The following NTNG1 variants were observed in gnomAD, a reference collection of about 807,000 sequenced individuals.
NTNG1 encodes netrin-G1.
NTNG1 carries 16 observed loss-of-function variants against 54.0 expected under a neutral mutation model. The ratio of observed to expected loss-of-function variants is 0.30; its 90% CI spans 0.20 to 0.45. NTNG1 has a LOEUF of 0.45. Ranked by LOEUF, NTNG1 falls within the 20% of genes least tolerant of loss-of-function variation. The pLI, the probability that NTNG1 is intolerant of heterozygous loss-of-function variation, is 1.00. For synonymous variants in NTNG1, 255 were observed against 263.1 expected, an observed-to-expected ratio of 0.97 and a Z score of 0.30; for missense variants, 530 against 678.7, an observed-to-expected ratio of 0.78 and a Z score of 2.43.
At chr1:107,202,007 A>G (rs1314871249) in intron 2 of NTNG1, among the ~76,000 whole-genome samples, 1 of 151,710 alleles carries the variant, frequency 6.6e-6, no homozygotes, top group Non-Finnish European at 1.5e-5. Context: ...TATCCCTAAT[A>G]GTTCTTTTGG....
chr1:107,447,673 A>T (rs569233381), intron 7 of NTNG1, among the ~76,000 whole-genome samples: 21 of 152,192 alleles, frequency 1.4e-4, no homozygotes, highest in African/African-American at 5.1e-4. Context: ...ATCTAATAAA[A>T]CATGGTTCAA....
At chr1:107,339,814 A>G (rs1178979805) in intron 3 of NTNG1, among the ~76,000 whole-genome samples, 1 of 152,066 alleles carries the variant, frequency 6.6e-6, no homozygotes, top group Non-Finnish European at 1.5e-5. Flanking sequence ...ACTCTTAAGT[A>G]TTTTGTGCTT....
chr1:107,304,392 G>C (rs1198472771), intron 2 of NTNG1, among the ~76,000 whole-genome samples: 2 of 152,036 alleles, frequency 1.3e-5, no homozygotes, highest in Non-Finnish European at 2.9e-5. Flanking sequence ...AGTTGTAACT[G>C]AATTTGGTGT....
intron 7 of NTNG1, among the ~76,000 whole-genome samples, chr1:107,451,109 T>A (rs1676596531): frequency 9.8e-5 from 2 of 20,316 alleles, no homozygotes; most frequent in East Asian, 6.1e-3. Context: ...TCTTTCTTTC[T>A]TTTTTTTTTT....
chr1:107,375,133 C>T (rs527406772), intron 3 of NTNG1, among the ~76,000 whole-genome samples: 1 of 152,294 alleles, frequency 6.6e-6, no homozygotes, highest in African/African-American at 2.4e-5. Flanking sequence ...TCTGCTAAAT[C>T]GTTCAGGGGG....
intron 2 of NTNG1, among the ~76,000 whole-genome samples, chr1:107,156,115 A>G (rs554290661): frequency 6.6e-6 from 1 of 152,334 alleles, no homozygotes; most frequent in African/African-American, 2.4e-5. Context: ...TCCCTGTCGT[A>G]AAGTGACACG....
At chr1:107,466,126 G>A (rs1024873870) in intron 7 of NTNG1, among the ~76,000 whole-genome samples, 22 of 152,080 alleles carry the variant, frequency 1.4e-4, no homozygotes, top group African/African-American at 5.3e-4. Flanking sequence ...ACTGTTGGGA[G>A]GTCCTGACTA....
chr1:107,357,424 C>G (rs1669999908), intron 3 of NTNG1, among the ~76,000 whole-genome samples: 1 of 152,142 alleles, frequency 6.6e-6, no homozygotes, highest in Non-Finnish European at 1.5e-5. Flanking sequence ...ATTGTAATAC[C>G]TCCTTGTCAA....
At chr1:107,228,955 A>C (rs1361628898) in intron 2 of NTNG1, among the ~76,000 whole-genome samples, 1 of 152,152 alleles carries the variant, frequency 6.6e-6, no homozygotes, top group African/African-American at 2.4e-5. Context: ...TAATGTCATC[A>C]GAATAACTTC....
chr1:107,250,051 T>A (rs896025175), intron 2 of NTNG1, among the ~76,000 whole-genome samples: 36 of 152,246 alleles, frequency 2.4e-4, no homozygotes, highest in African/African-American at 8.2e-4. Flanking sequence ...GATCAGAAAC[T>A]TATTTATTTA....
Position 107,194,858 on chromosome 1 carries a change from G to A in NTNG1, c.246+46019G>A, listed in dbSNP as rs1038364770. Reference sequence around the variant, plus strand: ...TAAAAGTATCTATGGCGATCAACTAGAATATGGATTACACAGATTTTATCG... The same window carrying A: ...TAAAAGTATCTATGGCGATCAACTAAAATATGGATTACACAGATTTTATCG... On this transcript the variant is annotated intron_variant, in intron 2 of 7. Transcript: ENST00000370068. Among the ~76,000 whole-genome samples, 11 of 152,004 alleles carry A rather than the reference G, an allele frequency of 7.2e-5. No homozygotes were observed. The South Asian group carries it at 2.3e-3, about 32-fold the overall frequency.
In NTNG1 at chr1:107,148,799, A is replaced by T; in HGVS notation, c.206A>T (p.Asp69Val). Residue 69 changes from aspartate to valine, a missense_variant, in exon 2 of 8, where the codon GAT becomes GTT. Transcript: ENST00000370068. Reference protein sequence around the residue: ...KYLKVKLDPPDITCGDPPETF... With the variant: ...KYLKVKLDPPVITCGDPPETF... ...CTGAAAGTGAAACTCGATCCTCCGG[A>T]TATTACCTGTGGAGACCCTCCTGAG... 1.2e-6 allele frequency: 2 copies of T among 1,613,692 alleles called. No homozygotes were observed. The highest frequency in any genetic ancestry group is 2.2e-5 in the South Asian group (2 of 91,080).
At chr1:107,213,746 CAAAT>C (rs1659750936) in intron 2 of NTNG1, among the ~76,000 whole-genome samples, 1 of 152,094 alleles carries the variant, frequency 6.6e-6, no homozygotes, top group Non-Finnish European at 1.5e-5. Flanking sequence ...AGCTAATAAA[CAAAT>C]AAATCTGCCT....
intron 7 of NTNG1, among the ~76,000 whole-genome samples, chr1:107,459,675 T>A (rs1349182631): frequency 6.6e-6 from 1 of 152,192 alleles, no homozygotes; most frequent in East Asian, 1.9e-4. Context: ...CCTGACAAAA[T>A]TTATTATGCA....
intron 2 of NTNG1, among the ~76,000 whole-genome samples, chr1:107,248,431 T>C (rs1353447311): frequency 1.3e-5 from 2 of 152,232 alleles, no homozygotes; most frequent in Non-Finnish European, 2.9e-5. Flanking sequence ...GTCTGGGATT[T>C]GTAGCTGCCT....
chr1:107,323,084 T>C (rs2101874448), intron 2 of NTNG1, among the ~76,000 whole-genome samples: 1 of 147,902 alleles, frequency 6.8e-6, no homozygotes, highest in Admixed American at 6.8e-5. Context: ...ACAGGTATGA[T>C]GAAAAGCTCA....
intron 2 of NTNG1, among the ~76,000 whole-genome samples, chr1:107,267,180 C>T (rs565526711): frequency 4.6e-5 from 7 of 152,168 alleles, no homozygotes; most frequent in Non-Finnish European, 8.8e-5. Context: ...AAAGGGATGG[C>T]AAGACCCACC....
intron 1 of NTNG1, 161 bp downstream of exon 1, chr1:107,141,301 G>A (rs1459125353): frequency 1.3e-5 from 2 of 150,900 alleles, no homozygotes; most frequent in African/African-American, 2.4e-5. Context: ...CCCGCCTGGG[G>A]AGGAGGCTCC....
At chr1:107,453,075 TTCC>T (rs1408644779) in intron 7 of NTNG1, among the ~76,000 whole-genome samples, 1 of 152,216 alleles carries the variant, frequency 6.6e-6, no homozygotes, top group Non-Finnish European at 1.5e-5. Context: ...GTGGCTTACT[TTCC>T]TGAATGTTCA....
Sources: gnomAD v4.1 joint callset for allele counts (sites outside exome capture counted in the v4.1 genomes callset) on GRCh38, gnomAD v4.1.1 for gene constraint, MANE v1.5 for transcripts, NCBI Gene and HGNC (gene_info 2026-07-23, HGNC 2026-07-21) for gene names.